The following SEC23A variants were observed in gnomAD, a reference collection of about 807,000 sequenced individuals.
SEC23A encodes the protein protein transport protein Sec23A.
In SEC23A, 56 loss-of-function variants were observed where a neutral mutation model predicts 103.7. The observed-to-expected ratio is 0.54, with a 90% CI of 0.44 to 0.67. SEC23A has a LOEUF of 0.67. Among genes scored for constraint, SEC23A ranks in the 30% least tolerant of loss-of-function variants. The pLI, the probability that SEC23A is intolerant of heterozygous loss-of-function variation, is 0.00. For missense variants in SEC23A, 784 were observed against 936.4 expected, an observed-to-expected ratio of 0.84 and a Z score of 2.12; for synonymous variants, 281 against 293.0, an observed-to-expected ratio of 0.96 and a Z score of 0.42.
chr14:39,100,995 T>A (rs1162716366), intron 1 of SEC23A, among the ~76,000 whole-genome samples: 5 of 151,150 alleles, frequency 3.3e-5, no homozygotes, highest in Non-Finnish European at 7.4e-5. Flanking sequence ...AGGCGTGAGC[T>A]ACTACACCCA....
At chr14:39,037,373 C>T (rs1885495928) in intron 19 of SEC23A, among the ~76,000 whole-genome samples, 1 of 152,000 alleles carries the variant, frequency 6.6e-6, no homozygotes, top group Admixed American at 6.6e-5. Flanking sequence ...GCTTAAAACC[C>T]CAAAATACCC....
At chr14:39,070,488 T>G (rs893512054) in intron 9 of SEC23A, among the ~76,000 whole-genome samples, 2 of 152,202 alleles carry the variant, frequency 1.3e-5, no homozygotes, top group Non-Finnish European at 2.9e-5. Flanking sequence ...GCAAATTGAA[T>G]TTAGCAATAA....
intron 2 of SEC23A, among the ~76,000 whole-genome samples, 162 bp from the exon 3 acceptor site, chr14:39,093,406 T>C (rs1231579707): frequency 3.9e-5 from 6 of 152,220 alleles, no homozygotes; most frequent in Non-Finnish European, 8.8e-5. Flanking sequence ...ACTGCCAATA[T>C]CTAATTCACA....
rs56911438 is a variant in SEC23A at position 39,041,409 on chromosome 14, C to CAAAAAA, written c.1987-528_1987-523dup. 1.1e-3 allele frequency: 16 copies of CAAAAAA among 14,638 alleles called. 4 individuals are homozygous for CAAAAAA. The highest frequency in any genetic ancestry group is 3.2e-3 in the East Asian group (1 of 310). 0.9% of individuals were successfully genotyped at this position (14,638 alleles called of 1,614,324 possible). A position where few individuals can be genotyped will look rare whatever the true frequency, so the allele number is the denominator to read the frequency against. On this transcript the variant is annotated intron_variant, in intron 17 of 19. Transcript: ENST00000307712. ...AAATCACCATAAAACAAAGAAAAAG[C>CAAAAAA]AAAAAAAAAAAAAAAAAAAAAAAAA...
intron 2 of SEC23A, among the ~76,000 whole-genome samples, chr14:39,095,617 T>G (rs1402048738): frequency 1.3e-5 from 2 of 152,118 alleles, no homozygotes; most frequent in Non-Finnish European, 2.9e-5. Flanking sequence ...TATCTAATGA[T>G]GCAAGATGGG....
At chr14:39,071,473 T>C (rs1886837528) in intron 9 of SEC23A, among the ~76,000 whole-genome samples, 1 of 151,994 alleles carries the variant, frequency 6.6e-6, no homozygotes. Flanking sequence ...CTGCTGAACC[T>C]GGGAGGCAGA....
intron 16 of SEC23A, 131 bp downstream of exon 16, chr14:39,045,032 G>C: frequency 1.3e-6 from 1 of 767,172 alleles, no homozygotes; most frequent in Non-Finnish European, 2.2e-6. Context: ...TACATTAATA[G>C]GTTGAGATGT....
intron 14 of SEC23A, among the ~76,000 whole-genome samples, chr14:39,051,073 G>A (rs73285770): frequency 0.072 from 10,973 of 152,184 alleles, 1,333 homozygotes; most frequent in African/African-American, 0.25. Context: ...TACTGTTTAG[G>A]TATTAAAACT....
intron 2 of SEC23A, among the ~76,000 whole-genome samples, chr14:39,094,440 ATATTTTTTTTTTT>A (rs1887816193): frequency 7.6e-5 from 1 of 13,084 alleles, no homozygotes; most frequent in African/African-American, 7.0e-4. Flanking sequence ...ATATATATAT[ATATTTTTTTTTTT>A]TTTTTTTCCC....
chr14:39,055,014 T>C, intron 14 of SEC23A, 129 bp downstream of exon 14: 2 of 1,039,580 alleles, frequency 1.9e-6, no homozygotes, highest in East Asian at 4.9e-5. Flanking sequence ...GTCTCAGTAA[T>C]TTGAATAGGA....
chr14:39,037,424 TAA>T (rs1421319758), intron 19 of SEC23A, among the ~76,000 whole-genome samples: 3 of 152,204 alleles, frequency 2.0e-5, no homozygotes, highest in Non-Finnish European at 4.4e-5. Flanking sequence ...AAGACTACAT[TAA>T]AGTTGAGAGA....
At position 39,082,026 on chromosome 14, in the gene SEC23A, G is replaced by C. The variant is rs961381625; in HGVS notation, c.828+3736C>G. 1.1e-4 allele frequency among the ~76,000 whole-genome samples: 16 copies of C among 152,192 alleles called. No individual in the cohort carries two copies. The East Asian group carries it at 2.5e-3, about 24-fold the overall frequency. Reference sequence around the variant, plus strand: ...CAGGTCCAGAGCAGGAAAAGGATAAGATGAGCCCTGAACAACTTACTATAC... The same window carrying C: ...CAGGTCCAGAGCAGGAAAAGGATAACATGAGCCCTGAACAACTTACTATAC... On this transcript the variant is annotated intron_variant, in intron 7 of 19. Coordinates refer to ENST00000307712, the MANE Select transcript of SEC23A (RefSeq NM_006364.4).
chr14:39,096,398 C>T lies in SEC23A; in HGVS notation c.-21-259G>A, dbSNP rs1964841. 0.15 allele frequency among the ~76,000 whole-genome samples: 22,181 copies of T among 151,876 alleles called. 1,715 individuals carry two copies. The highest frequency in any genetic ancestry group is 0.19 in the African/African-American group (7,821 of 41,386). ...ATACAAAATTAGCCAGGCATGGTGGCGTATGCCTGTAATCCCAGCTACTCA... is the reference window on the plus strand; with the variant it reads ...ATACAAAATTAGCCAGGCATGGTGGTGTATGCCTGTAATCCCAGCTACTCA... On this transcript the variant is annotated intron_variant, in intron 1 of 19. Coordinates refer to ENST00000307712, the MANE Select transcript of SEC23A (RefSeq NM_006364.4).
intron 7 of SEC23A, among the ~76,000 whole-genome samples, chr14:39,081,601 A>G (rs966706945): frequency 6.6e-6 from 1 of 152,204 alleles, no homozygotes; most frequent in Non-Finnish European, 1.5e-5. Flanking sequence ...AAACTATTCT[A>G]TATATTCTAG....
intron 12 of SEC23A, 95 bp from the exon 13 acceptor site, chr14:39,061,966 T>C: frequency 3.7e-6 from 3 of 809,950 alleles, no homozygotes. Flanking sequence ...AAATAATTCA[T>C]TCTAAAATTG....
intron 2 of SEC23A, among the ~76,000 whole-genome samples, chr14:39,094,391 CACACACATATAT>C (rs56180317): frequency 0.069 from 2,706 of 39,370 alleles, 610 homozygotes; most frequent in Non-Finnish European, 0.11. Context: ...CACACACACA[CACACACATATAT>C]ATATATATAT....
At chr14:39,047,777 G>C (rs1442867746) in intron 15 of SEC23A, among the ~76,000 whole-genome samples, 1 of 152,138 alleles carries the variant, frequency 6.6e-6, no homozygotes, top group East Asian at 1.9e-4. Flanking sequence ...CCTTGTAAGA[G>C]GGATCCATGT....
rs941874654 is a variant in SEC23A at position 39,092,495 on chromosome 14, G to C, written c.366+46C>G. 7 of 1,052,550 alleles carry C rather than the reference G, an allele frequency of 6.7e-6. No individual in the cohort carries two copies. The Admixed American group carries it at 1.1e-4, about 17-fold the overall frequency. The allele number at this position is 1,052,550 out of a possible 1,614,324, so 65.2% of individuals were successfully genotyped here. A position where few individuals can be genotyped will look rare whatever the true frequency, so the allele number is the denominator to read the frequency against. On this transcript the variant is annotated intron_variant, in intron 4 of 19. Coordinates refer to ENST00000307712, the MANE Select transcript of SEC23A (RefSeq NM_006364.4). ...TCATCATAATTTAACAATTCTTTCA[G>C]TATAAATTTTAAAACTTTCTTAAAT... is the stretch of plus-strand genomic sequence containing the variant.
At chr14:39,099,954 A>G (rs1888026311) in intron 1 of SEC23A, among the ~76,000 whole-genome samples, 1 of 152,120 alleles carries the variant, frequency 6.6e-6, no homozygotes, top group Non-Finnish European at 1.5e-5. Flanking sequence ...AAACCTCACT[A>G]AGAAAGGTTC....
Sources: gnomAD v4.1 joint callset for allele counts (sites outside exome capture counted in the v4.1 genomes callset) on GRCh38, gnomAD v4.1.1 for gene constraint, MANE v1.5 for transcripts, NCBI Gene and HGNC (gene_info 2026-07-23, HGNC 2026-07-21) for gene names.